The following SAPCD2 variants were observed in gnomAD, a reference collection of about 807,000 sequenced individuals.
The protein encoded by SAPCD2 is suppressor APC domain-containing protein 2.
A neutral mutation model predicts 37.8 loss-of-function variants in SAPCD2; 34 were observed. The observed-to-expected ratio is 0.90, with a 90% CI of 0.68 to 1.20. The LOEUF is 1.20. Ranked by LOEUF, SAPCD2 falls within the 50% of genes most tolerant of loss-of-function variation. The pLI is 0.00. For missense variants in SAPCD2, 572 were observed against 584.7 expected, an observed-to-expected ratio of 0.98 and a Z score of 0.22; for synonymous variants, 275 against 270.3, an observed-to-expected ratio of 1.02 and a Z score of -0.17.
Position 137,065,538 on chromosome 9 carries a change from T to A in SAPCD2, c.815A>T (p.Gln272Leu). The A allele has an allele frequency of 6.2e-7, 1 of 1,604,770 alleles. No individual in the cohort carries two copies. The highest frequency in any genetic ancestry group is 1.1e-5 in the South Asian group (1 of 90,750). ...RVQERQRRLGQSRASADFGAA... is the reference protein window; with the variant it reads ...RVQERQRRLGLSRASADFGAA... ...GGCACTCACGGCGCTGGCTCTGCTC[T>A]GGCCCAGGCGGCGCTGGCGCTCCTG... Residue 272 changes from glutamine to leucine, a missense_variant, in exon 3 of 6, where the codon CAG (glutamine) becomes CTG (leucine). Transcript: ENST00000409687.
chr9:137,066,404 C>T, intron 1 of SAPCD2, 30 bp from the exon 2 acceptor site: 1 of 1,506,136 alleles, frequency 6.6e-7, no homozygotes, highest in South Asian at 1.2e-5. Context: ...GCCTGGCTCA[C>T]CTCCAGACCT....
At chr9:137,066,205 C>T (rs1024731213) in intron 2 of SAPCD2, 57 bp downstream of exon 2, 29 of 1,391,098 alleles carry the variant, frequency 2.1e-5, no homozygotes, top group Admixed American at 1.2e-4. Context: ...GCTCCCATCC[C>T]GGCCTCCAGC....
At position 137,064,739 on chromosome 9, in the gene SAPCD2, A is replaced by G. The variant is rs1204715594; in HGVS notation, c.1105T>C (p.Ser369Pro). The G allele has an allele frequency of 2.5e-6, 4 of 1,591,804 alleles. No individual in the cohort carries two copies. The highest frequency in any genetic ancestry group is 3.4e-6 in the Non-Finnish European group (4 of 1,170,030). ...ERITQLEQEK[S>P]ALIKQLFEAR... ...TCAAACAGCTGCTTAATGAGCGCCG[A>G]CTTCTCCTGCTCCAGCTGCGTGATG... Residue 369 changes from serine (S) to proline (P), a missense_variant, in exon 6 of 6, where the codon TCG (serine) becomes CCG (proline). By Grantham distance (74) the Ser-to-Pro change is moderately conservative. Transcript: ENST00000409687.
chr9:137,070,069 G>C lies in SAPCD2; in HGVS notation c.392C>G (p.Pro131Arg). 6.7e-6 allele frequency: 8 copies of C among 1,195,306 alleles called. No homozygotes were observed. Among genetic ancestry groups the C allele is most frequent in the Non-Finnish European group, 8.3e-6 (8 of 964,560 alleles). 74.0% of individuals were successfully genotyped at this position (1,195,306 alleles called of 1,614,324 possible). The change falls in exon 1 of 6, where the codon CCG becomes CGG. Residue 131 changes from proline (P) to arginine (R), a missense_variant. Coordinates refer to ENST00000409687, the MANE Select transcript of SAPCD2 (RefSeq NM_178448.4). ...QRLVFAPADE[P>R]RTVLERKPLP... The stretch of plus-strand genomic sequence containing the variant: ...GGGCTTCCTCTCCAGGACCGTCCGC[G>C]GCTCGTCGGCCGGAGCGAACACCAG...
rs1832511024 is a variant in SAPCD2 at position 137,064,411 on chromosome 9, C to G, written c.*248G>C. The G allele has an allele frequency of 1.8e-6, 1 of 570,216 alleles. No individual in the cohort carries two copies. The highest frequency in any genetic ancestry group is 3.1e-6 in the Non-Finnish European group (1 of 317,970). The allele number at this position is 570,216 out of a possible 1,614,324, so 35.3% of individuals were successfully genotyped here. On this transcript the variant is annotated 3_prime_UTR_variant, in exon 6 of 6. Transcript: ENST00000409687. ...GCGGCAGTAGTAGCTGCGGACTATG[C>G]GGACTCAAGAGAGCCCCAGCCCATG...
Position 137,065,547 on chromosome 9 carries a change from C to T in SAPCD2, c.806G>A (p.Arg269His), listed in dbSNP as rs145919814. 56 of 1,605,968 alleles carry T rather than the reference C, an allele frequency of 3.5e-5. No homozygotes were observed. The highest frequency in any genetic ancestry group is 3.2e-4 in the African/African-American group (24 of 74,886). Reference protein sequence around the residue: ...QLQRVQERQRRLGQSRASADF... With the variant: ...QLQRVQERQRHLGQSRASADF... The stretch of plus-strand genomic sequence containing the variant: ...GGCGCTGGCTCTGCTCTGGCCCAGG[C>T]GGCGCTGGCGCTCCTGCACTCGTTG... Residue 269 changes from arginine (R) to histidine (H), a missense_variant, in exon 3 of 6, where the codon CGC (arginine) becomes CAC (histidine). Transcript: ENST00000409687.
rs1485728574 is a variant in SAPCD2 at position 137,063,826 on chromosome 9, T to C, written c.*833A>G. ...GGCTGGGCGTGAGAGCAAAGGGGGG[T>C]GAGCAGGACCCCAGGCCTTGGAAAT... On this transcript the variant is annotated 3_prime_UTR_variant, in exon 6 of 6. Coordinates refer to ENST00000409687, the MANE Select transcript of SAPCD2 (RefSeq NM_178448.4). 6.6e-6 allele frequency: 1 copy of C among 151,622 alleles called. No homozygotes were observed. The highest frequency in any genetic ancestry group is 1.9e-4 in the East Asian group (1 of 5,154). 9.4% of individuals were successfully genotyped at this position (151,622 alleles called of 1,614,324 possible).
intron 1 of SAPCD2, among the ~76,000 whole-genome samples, chr9:137,069,545 C>G (rs945371276): frequency 6.6e-6 from 1 of 152,158 alleles, no homozygotes; most frequent in Non-Finnish European, 1.5e-5. Flanking sequence ...TCCCCAGGTG[C>G]GGAAAGGGTA....
chr9:137,070,280 C>T lies in SAPCD2; in HGVS notation c.181G>A (p.Ala61Thr), dbSNP rs746596972. 1 of 1,459,584 alleles carries T rather than the reference C, an allele frequency of 6.9e-7. No individual in the cohort carries two copies. Among genetic ancestry groups the T allele is most frequent in the South Asian group, 1.3e-5 (1 of 77,028 alleles). 90.4% of individuals were successfully genotyped at this position (1,459,584 alleles called of 1,614,324 possible). Residue 61 changes from alanine (A) to threonine (T), a missense_variant, in exon 1 of 6, where the codon GCG becomes ACG. By Grantham distance (58) the Ala-to-Thr change is moderately conservative (BLOSUM62 0). Coordinates refer to ENST00000409687, the MANE Select transcript of SAPCD2 (RefSeq NM_178448.4). ...AGCACCCCGCGGGGCAGCTCCCGCG[C>T]GTCGGTGCCCTGCCAGCGGGACTCG... is the stretch of plus-strand genomic sequence containing the variant. The part of the protein sequence containing the change: ...EIESRWQGTD[A>T]RELPRGVLEG...
intron 1 of SAPCD2, among the ~76,000 whole-genome samples, chr9:137,069,078 C>T (rs1410894458): frequency 1.3e-5 from 2 of 152,238 alleles, no homozygotes; most frequent in African/African-American, 4.8e-5. Flanking sequence ...CCTGGCAGAA[C>T]GGGTGCACAG....
intron 3 of SAPCD2, 135 bp downstream of exon 3, chr9:137,065,387 G>C (rs138308130): frequency 1.7e-6 from 2 of 1,179,362 alleles, no homozygotes; most frequent in African/African-American, 3.1e-5. Flanking sequence ...GGCGGAGAAA[G>C]GGATGTCTCA....
chr9:137,064,203 C>T lies in SAPCD2; in HGVS notation c.*456G>A, dbSNP rs112347688. ...GAGCTACAGCCACCTCGTCCTGGTG[C>T]CCTGGTTGAGCGGGAAGCTGCCCTT... On this transcript the variant is annotated 3_prime_UTR_variant, in exon 6 of 6. Transcript: ENST00000409687. 9.7e-3 allele frequency: 2,105 copies of T among 216,982 alleles called. 56 individuals are homozygous for T. Among genetic ancestry groups the T allele is most frequent in the African/African-American group, 0.046 (1,922 of 42,118 alleles). 13.4% of individuals were successfully genotyped at this position (216,982 alleles called of 1,614,324 possible).
At position 137,064,929 on chromosome 9, in the gene SAPCD2, G is replaced by C; in HGVS notation, c.990C>G (p.Thr330=). ...TCTGCTGCTGCCAGACCGGGGGTGA[G>C]GTGGACGTCAGGGCAGGGCAGGGGG... ...SGPPCPALTS[T]SPPVWQQQTI... Residue 330 remains threonine (T), a synonymous_variant, in exon 5 of 6, where the codon ACC becomes ACG. Transcript: ENST00000409687. 6.4e-7 allele frequency: 1 copy of C among 1,555,874 alleles called. No homozygotes were observed. The highest frequency in any genetic ancestry group is 8.7e-7 in the Non-Finnish European group (1 of 1,150,308).
chr9:137,067,133 A>C (rs947384067), intron 1 of SAPCD2, among the ~76,000 whole-genome samples: 1 of 151,952 alleles, frequency 6.6e-6, no homozygotes, highest in African/African-American at 2.4e-5. Flanking sequence ...GATTACAGAC[A>C]CCCACTACCA....
intron 1 of SAPCD2, among the ~76,000 whole-genome samples, chr9:137,067,642 CA>C (rs1564261626): frequency 6.6e-6 from 1 of 151,254 alleles, no homozygotes; most frequent in Admixed American, 6.6e-5. Flanking sequence ...GGCGTGGTGG[CA>C]TGCACCTGTA....
rs771893918 is a variant in SAPCD2, at chr9:137,064,695, C to T, written c.1149G>A (p.Gln383=). 1 of 1,596,600 alleles carries T rather than the reference C, an allele frequency of 6.3e-7. No homozygotes were observed. Among genetic ancestry groups the T allele is most frequent in the East Asian group, 2.3e-5 (1 of 44,084 alleles). The change falls in exon 6 of 6, where the codon CAG becomes CAA. Residue 383 remains glutamine, a synonymous_variant. Transcript: ENST00000409687. ...KQLFEARALS[Q]QDGGPLDSTF... ...TGGAATCCAGAGGTCCCCCGTCCTG[C>T]TGGCTCAGGGCGCGGGCCTCAAACA...
chr9:137,065,112 A>T lies in SAPCD2; in HGVS notation c.905T>A (p.Leu302Gln). 1 of 1,543,914 alleles carries T rather than the reference A, an allele frequency of 6.5e-7. No individual in the cohort carries two copies. Among genetic ancestry groups the T allele is most frequent in the East Asian group, 2.4e-5 (1 of 41,992 alleles). ...LPKVQEVARC[L>Q]GELLAAACAS... is the part of the protein sequence containing the mutation. The stretch of plus-strand genomic sequence containing the variant: ...ACAGGCTGCAGCCAGCAGCTCCCCC[A>T]GGCACCGGGCCACCTCTTGTACCTT... Residue 302 changes from leucine (L) to glutamine (Q), a missense_variant, in exon 4 of 6, where the codon CTG becomes CAG. Leu to Gln is a moderately radical substitution (Grantham distance 113). Transcript: ENST00000409687.
intron 2 of SAPCD2, 36 bp downstream of exon 2, chr9:137,066,226 G>A (rs1368701276): frequency 1.3e-6 from 2 of 1,525,668 alleles, no homozygotes; most frequent in South Asian, 1.2e-5. Flanking sequence ...CTCCAGGCAA[G>A]ATGGAGAGCC....
chr9:137,067,584 G>A (rs1281370957), intron 1 of SAPCD2, among the ~76,000 whole-genome samples: 2 of 151,062 alleles, frequency 1.3e-5, no homozygotes, highest in African/African-American at 4.9e-5. Flanking sequence ...GACCAGCCTA[G>A]CCAACATGGT....
Sources: allele counts gnomAD v4.1 joint callset (sites outside exome capture counted in the v4.1 genomes callset), GRCh38; gene constraint gnomAD v4.1.1; transcripts MANE v1.5; gene names NCBI Gene and HGNC (gene_info 2026-07-23, HGNC 2026-07-21).